The following TMEM74 variants were observed in gnomAD, a reference collection of about 807,000 sequenced individuals.
TMEM74 encodes transmembrane protein 74.
In TMEM74, 13 loss-of-function variants were observed where a neutral mutation model predicts 18.1. The observed-to-expected ratio is 0.72, with a 90% confidence interval of 0.47 to 1.14. The LOEUF is 1.14. TMEM74 is among the 50% of genes most tolerant of loss of function. TMEM74 has a pLI of 0.00. For missense variants in TMEM74, 372 were observed against 375.9 expected, an observed-to-expected ratio of 0.99 and a Z score of 0.09; for synonymous variants, 159 against 146.6, an observed-to-expected ratio of 1.08 and a Z score of -0.61.
chr8:108,629,359 T>A (rs916818450), intron 2 of TMEM74, among the ~76,000 whole-genome samples: 46 of 152,182 alleles, frequency 3.0e-4, no homozygotes, highest in Non-Finnish European at 2.9e-5. Flanking sequence ...TATGATTGAT[T>A]GGTATACCTG....
At chr8:108,661,263 G>A (rs1812896713) in intron 1 of TMEM74, among the ~76,000 whole-genome samples, 1 of 151,512 alleles carries the variant, frequency 6.6e-6, no homozygotes, top group East Asian at 1.9e-4. Flanking sequence ...ATACGACTCT[G>A]CTTTAAAAGC....
In TMEM74 at chr8:108,784,482, G is replaced by C; in HGVS notation, c.617C>G (p.Pro206Arg). 6.2e-7 allele frequency: 1 copy of C among 1,614,134 alleles called. No homozygotes were observed. Among genetic ancestry groups the C allele is most frequent in the Non-Finnish European group, 8.5e-7 (1 of 1,180,020 alleles). The change falls in exon 2 of 2, where the codon CCC (proline) becomes CGC (arginine). Residue 206 changes from proline to arginine, a missense_variant. Coordinates refer to ENST00000297459, the MANE Select transcript of TMEM74 (RefSeq NM_153015.3). ...CATCTCCCGGGCTGCCACAGTGTTG[G>C]GGTCCACAGTCACTTCCCGTGGGAC... ...YIVPREVTVDPNTVAAREMER... is the reference protein window; with the variant it reads ...YIVPREVTVDRNTVAAREMER...
intron 2 of TMEM74, among the ~76,000 whole-genome samples, chr8:108,609,619 G>A (rs913737232): frequency 6.6e-6 from 1 of 152,160 alleles, no homozygotes; most frequent in Non-Finnish European, 1.5e-5. Context: ...CTGCACTCCA[G>A]CCTGGGTGAC....
chr8:108,637,855 A>G (rs1586242802), intron 2 of TMEM74, among the ~76,000 whole-genome samples: 1 of 152,156 alleles, frequency 6.6e-6, no homozygotes. Flanking sequence ...ATTAATGACA[A>G]GTCTTTAGCC....
chr8:108,649,951 T>C (rs1812757568), intron 2 of TMEM74, among the ~76,000 whole-genome samples: 1 of 152,116 alleles, frequency 6.6e-6, no homozygotes, highest in African/African-American at 2.4e-5. Context: ...ATATTAACAG[T>C]TTCCCTTCCC....
At chr8:108,623,889 C>T (rs1812468247) in intron 2 of TMEM74, among the ~76,000 whole-genome samples, 1 of 152,038 alleles carries the variant, frequency 6.6e-6, no homozygotes, top group South Asian at 2.1e-4. Context: ...ACACAGGGCA[C>T]TCCCCCTAAA....
At chr8:108,677,247 C>T (rs1345170402) in intron 1 of TMEM74, among the ~76,000 whole-genome samples, 1 of 152,092 alleles carries the variant, frequency 6.6e-6, no homozygotes, top group African/African-American at 2.4e-5. Context: ...CTCTACTTTC[C>T]AACTCAGTGG....
Position 108,784,801 on chromosome 8 carries a change from A to G in TMEM74, c.298T>C (p.Cys100Arg), listed in dbSNP as rs781199054. The change falls in exon 2 of 2, where the codon TGT becomes CGT. Residue 100 changes from cysteine (C) to arginine (R), a missense_variant. Transcript: ENST00000297459. ...NNQITAERKV[C>R]NCCSQELETS... ...TCTAATTCCTGGCTGCAGCAGTTACAGACTTTCCGTTCCGCTGTTATTTGG... is the reference window on the plus strand; with the variant it reads ...TCTAATTCCTGGCTGCAGCAGTTACGGACTTTCCGTTCCGCTGTTATTTGG... 9 of 1,614,100 alleles carry G rather than the reference A, an allele frequency of 5.6e-6. No homozygotes were observed. The South Asian group carries it at 9.9e-5, about 18-fold the overall frequency.
intron 1 of TMEM74, among the ~76,000 whole-genome samples, chr8:108,745,202 G>C (rs73309873): frequency 2.3e-3 from 356 of 152,128 alleles, no homozygotes; most frequent in African/African-American, 7.7e-3. Flanking sequence ...ATAGGTTCCT[G>C]TGCAGATCAA....
At chr8:108,631,504 G>A (rs190964829) in intron 2 of TMEM74, among the ~76,000 whole-genome samples, 1 of 152,102 alleles carries the variant, frequency 6.6e-6, no homozygotes, top group East Asian at 1.9e-4. Flanking sequence ...GCATATTTAG[G>A]TAGAGACTTG....
At chr8:108,631,314 C>T (rs1812550367) in intron 2 of TMEM74, among the ~76,000 whole-genome samples, 1 of 151,918 alleles carries the variant, frequency 6.6e-6, no homozygotes, top group Non-Finnish European at 1.5e-5. Flanking sequence ...AGGAACACAG[C>T]CTCCAAGCCC....
intron 1 of TMEM74, among the ~76,000 whole-genome samples, chr8:108,747,773 C>T (rs1813864850): frequency 6.9e-6 from 1 of 145,898 alleles, no homozygotes; most frequent in South Asian, 2.3e-4. Flanking sequence ...TTCATGTGTC[C>T]TCATTATTTA....
At chr8:108,686,491 C>T (rs568749077) in intron 1 of TMEM74, among the ~76,000 whole-genome samples, 1 of 152,190 alleles carries the variant, frequency 6.6e-6, no homozygotes, top group South Asian at 2.1e-4. Flanking sequence ...CGTGACCCAC[C>T]GCGCCGGCCC....
intron 1 of TMEM74, among the ~76,000 whole-genome samples, chr8:108,738,388 T>C (rs1563539185): frequency 6.6e-6 from 1 of 152,214 alleles, no homozygotes; most frequent in African/African-American, 2.4e-5. Flanking sequence ...CAGACCCTGT[T>C]ACTGGTCTCC....
intron 1 of TMEM74, among the ~76,000 whole-genome samples, chr8:108,671,778 AAG>A (rs1462845651): frequency 6.6e-6 from 1 of 152,180 alleles, no homozygotes; most frequent in African/African-American, 2.4e-5. Context: ...GAAAAAAAGT[AAG>A]AGAGAAATAT....
chr8:108,696,252 G>A (rs1813280548), intron 1 of TMEM74, among the ~76,000 whole-genome samples: 1 of 152,166 alleles, frequency 6.6e-6, no homozygotes, highest in African/African-American at 2.4e-5. Flanking sequence ...TGAGACAAAA[G>A]TTTTATATGA....
intron 1 of TMEM74, among the ~76,000 whole-genome samples, chr8:108,752,204 G>A (rs1351126689): frequency 6.6e-6 from 1 of 152,094 alleles, no homozygotes; most frequent in Non-Finnish European, 1.5e-5. Context: ...TTGAATCCTG[G>A]TTCCACTACT....
chr8:108,708,877 A>G (rs950449654), intron 1 of TMEM74, among the ~76,000 whole-genome samples: 1 of 150,598 alleles, frequency 6.6e-6, no homozygotes, highest in Admixed American at 6.7e-5. Flanking sequence ...AGACTTGAAC[A>G]GACATTTCTC....
chr8:108,758,230 T>A (rs1356002123), intron 1 of TMEM74, among the ~76,000 whole-genome samples: 2 of 151,922 alleles, frequency 1.3e-5, no homozygotes, highest in African/African-American at 4.8e-5. Flanking sequence ...CATTTTAAAA[T>A]ATAAAGCAGA....
Sources: gnomAD v4.1 joint callset for allele counts (sites outside exome capture counted in the v4.1 genomes callset) on GRCh38, gnomAD v4.1.1 for gene constraint, MANE v1.5 for transcripts, NCBI Gene and HGNC (gene_info 2026-07-23, HGNC 2026-07-21) for gene names.